The following ROBO2 variants were observed in gnomAD, a reference collection of about 807,000 sequenced individuals.
ROBO2 encodes the protein roundabout guidance receptor 2.
A neutral mutation model predicts 160.8 loss-of-function variants in ROBO2; 53 were observed. The ratio of observed to expected loss-of-function variants is 0.33; its 90% CI spans 0.26 to 0.41. ROBO2 has a LOEUF of 0.41. Ranked by LOEUF, ROBO2 falls within the 10% of genes least tolerant of loss-of-function variation. ROBO2 has a pLI of 1.00. For synonymous variants in ROBO2, 664 were observed against 611.7 expected (o/e 1.09, Z -1.26); for missense variants, 1,577 against 1,722.4 (o/e 0.92, Z 1.49).
chr3:76,401,085 CAT>C (rs1279175440), intron 2 of ROBO2, among the ~76,000 whole-genome samples: 8 of 151,400 alleles, frequency 5.3e-5, no homozygotes, highest in African/African-American at 1.7e-4. Context: ...AGATAGGAAA[CAT>C]TGATTTGCCT....
chr3:76,813,169 C>T (rs1240931229), intron 2 of ROBO2, among the ~76,000 whole-genome samples: 2 of 151,912 alleles, frequency 1.3e-5, no homozygotes, highest in Non-Finnish European at 2.9e-5. Context: ...GCACCTCTCT[C>T]CAAGTGTATT....
intron 2 of ROBO2, among the ~76,000 whole-genome samples, chr3:77,346,692 A>C (rs958145261): frequency 1.3e-5 from 2 of 152,254 alleles, no homozygotes; most frequent in Middle Eastern, 3.4e-3. Context: ...CTACAGTTGC[A>C]GGACTGAGAT....
rs892925365 is a variant in ROBO2, at chr3:76,021,362, A to G, written c.109+83760A>G. On this transcript the variant is annotated intron_variant, in intron 2 of 26. Transcript: ENST00000487694. ...AGTTCACCACCACTCTCACCTACCA[A>G]TAACAAGATAGAACAATGGAAACAT... 2.6e-5 allele frequency among the ~76,000 whole-genome samples: 4 copies of G among 151,848 alleles called. No homozygotes were observed. The East Asian group carries it at 7.7e-4, about 29-fold the overall frequency.
At chr3:75,967,521 CAT>C (rs1218306433) in intron 2 of ROBO2, among the ~76,000 whole-genome samples, 2 of 151,412 alleles carry the variant, frequency 1.3e-5, no homozygotes, top group Non-Finnish European at 3.0e-5. Context: ...ATTAAGATAA[CAT>C]ATAAAATTAC....
At chr3:76,372,207 A>G (rs1389136198) in intron 2 of ROBO2, among the ~76,000 whole-genome samples, 3 of 151,942 alleles carry the variant, frequency 2.0e-5, no homozygotes, top group East Asian at 1.9e-4. Flanking sequence ...AAGTGTTTAT[A>G]TTTCCTATTT....
chr3:77,407,671 T>A (rs571792416), intron 2 of ROBO2, among the ~76,000 whole-genome samples: 1 of 152,352 alleles, frequency 6.6e-6, no homozygotes, highest in African/African-American at 2.4e-5. Context: ...CCTCCCAGCC[T>A]CCTGCTGGCT....
chr3:76,084,452 A>G (rs946515383), intron 2 of ROBO2, among the ~76,000 whole-genome samples: 3 of 152,124 alleles, frequency 2.0e-5, no homozygotes, highest in Admixed American at 6.6e-5. Flanking sequence ...AGTTATTACT[A>G]CTGTTTTACA....
intron 2 of ROBO2, among the ~76,000 whole-genome samples, chr3:76,104,087 C>T (rs1009365395): frequency 2.0e-5 from 3 of 152,276 alleles, no homozygotes; most frequent in Admixed American, 1.3e-4. Flanking sequence ...GAACCCTGGT[C>T]TCTTTAGCTT....
At chr3:76,247,116 C>T (rs1378968423) in intron 2 of ROBO2, among the ~76,000 whole-genome samples, 5 of 151,446 alleles carry the variant, frequency 3.3e-5, no homozygotes, top group Non-Finnish European at 5.9e-5. Flanking sequence ...TTCCATACAT[C>T]CATCTACACA....
intron 2 of ROBO2, among the ~76,000 whole-genome samples, chr3:77,125,603 T>C (rs959154238): frequency 3.9e-5 from 6 of 152,118 alleles, no homozygotes; most frequent in African/African-American, 1.4e-4. Flanking sequence ...TATGTCCGCG[T>C]GCCTGATCAA....
At chr3:75,932,264 C>A (rs1168848045) in intron 1 of ROBO2, among the ~76,000 whole-genome samples, 1 of 152,098 alleles carries the variant, frequency 6.6e-6, no homozygotes, top group African/African-American at 2.4e-5. Flanking sequence ...GTTTTCAGGT[C>A]TCTTAGTTAT....
At chr3:76,916,474 T>A (rs2076311280) in intron 2 of ROBO2, among the ~76,000 whole-genome samples, 1 of 151,812 alleles carries the variant, frequency 6.6e-6, no homozygotes, top group African/African-American at 2.4e-5. Flanking sequence ...CCCGAGCATT[T>A]GGGACTACAG....
intron 2 of ROBO2, among the ~76,000 whole-genome samples, chr3:76,708,424 G>A (rs781636608): frequency 3.3e-5 from 5 of 152,126 alleles, no homozygotes; most frequent in Non-Finnish European, 5.9e-5. Flanking sequence ...TCTGGGAAAT[G>A]GAATGTTAGG....
chr3:76,270,312 T>G (rs889420873), intron 2 of ROBO2, among the ~76,000 whole-genome samples: 6 of 152,064 alleles, frequency 3.9e-5, no homozygotes, highest in Non-Finnish European at 7.4e-5. Context: ...CATTTCTTTT[T>G]TTTATTACCA....
At chr3:76,893,979 C>T (rs2074563698) in intron 2 of ROBO2, among the ~76,000 whole-genome samples, 1 of 151,950 alleles carries the variant, frequency 6.6e-6, no homozygotes, top group African/African-American at 2.4e-5. Flanking sequence ...TTTAAGAAGC[C>T]TGTGAATTGA....
At chr3:76,830,129 AT>A (rs2066949404) in intron 2 of ROBO2, among the ~76,000 whole-genome samples, 1 of 152,130 alleles carries the variant, frequency 6.6e-6, no homozygotes, top group South Asian at 2.1e-4. Context: ...CCCAGCCTAG[AT>A]TTTACAATGG....
intron 2 of ROBO2, among the ~76,000 whole-genome samples, chr3:76,942,988 T>G (rs2078292119): frequency 6.6e-6 from 1 of 152,240 alleles, no homozygotes; most frequent in South Asian, 2.1e-4. Flanking sequence ...TTATTATTAT[T>G]ATTTTAACCT....
At chr3:76,737,459 T>A (rs2093732195) in intron 2 of ROBO2, among the ~76,000 whole-genome samples, 1 of 152,096 alleles carries the variant, frequency 6.6e-6, no homozygotes, top group South Asian at 2.1e-4. Flanking sequence ...TGCAAACAAA[T>A]AATTCAAAAT....
At chr3:76,000,567 C>T (rs1004336758) in intron 2 of ROBO2, among the ~76,000 whole-genome samples, 5 of 149,586 alleles carry the variant, frequency 3.3e-5, no homozygotes, top group Admixed American at 6.7e-5. Flanking sequence ...CGGCTCACTG[C>T]AAGCTCCGCC....
Sources: allele counts gnomAD v4.1 joint callset (sites outside exome capture counted in the v4.1 genomes callset), GRCh38; gene constraint gnomAD v4.1.1; transcripts MANE v1.5; gene names NCBI Gene and HGNC (gene_info 2026-07-23, HGNC 2026-07-21).